PCDHGA8: variants seen among roughly 807,000 people sequenced by gnomAD.
PCDHGA8 encodes the protein protocadherin gamma-A8.
PCDHGA8 carries 45 observed loss-of-function variants against 59.2 expected under a neutral mutation model. The ratio of observed to expected loss-of-function variants is 0.76; its 90% confidence interval spans 0.60 to 0.98. The LOEUF (loss-of-function observed/expected upper bound fraction) is 0.98. PCDHGA8 is among the 50% of genes least tolerant of loss of function. The pLI is 0.00. For missense variants in PCDHGA8, 1,257 were observed against 1,196.2 expected, an observed-to-expected ratio of 1.05 and a Z score of -0.75; for synonymous variants, 531 against 519.0, an observed-to-expected ratio of 1.02 and a Z score of -0.32.
chr5:141,478,384 T>G, intron 1 of PCDHGA8: 1 of 1,613,658 alleles, frequency 6.2e-7, no homozygotes, highest in South Asian at 1.1e-5. Context: ...CGCCGCACCT[T>G]TACCATCAGG....
intron 1 of PCDHGA8, chr5:141,400,148 G>A (rs377393833): frequency 2.5e-6 from 4 of 1,614,056 alleles, no homozygotes; most frequent in African/African-American, 2.7e-5. Flanking sequence ...ATCACTGACC[G>A]CCCTGTACCC....
Position 141,413,628 on chromosome 5 carries a change from T to G in PCDHGA8, c.2424+18391T>G, listed in dbSNP as rs570797524. 4.3e-6 allele frequency: 7 copies of G among 1,613,878 alleles called. No homozygotes were observed. The African/African-American group carries it at 6.7e-5, about 15-fold the overall frequency. On this transcript the variant is annotated intron_variant, in intron 1 of 3. Coordinates refer to ENST00000398604, the MANE Select transcript of PCDHGA8 (RefSeq NM_032088.2). ...ACGTAAAAATTAATGAAAATGTCGC[T>G]GCGGGAATGCGTTTTCCTCTCCCGG...
At chr5:141,402,820 C>G (rs1351401631) in intron 1 of PCDHGA8, 2 of 1,288,046 alleles carry the variant, frequency 1.6e-6, no homozygotes, top group Admixed American at 5.9e-5. Flanking sequence ...CACAAACCTG[C>G]TCCCAGGCTG....
chr5:141,499,599 C>G (rs2099792919), intron 2 of PCDHGA8, among the ~76,000 whole-genome samples: 2 of 152,102 alleles, frequency 1.3e-5, no homozygotes, highest in South Asian at 4.1e-4. Context: ...TCACCTATAT[C>G]CCTACCCTTA....
intron 1 of PCDHGA8, among the ~76,000 whole-genome samples, chr5:141,434,491 C>CCCAGGGCAGAAAACTGCTTAA (rs1300377022): frequency 1.8e-4 from 27 of 152,302 alleles, no homozygotes; most frequent in Non-Finnish European, 3.4e-4. Context: ...ACCTGGCCCG[C>CCCAGGGCAGAAAACTGCTTAA]CCAGGGCAGA....
chr5:141,405,138 G>A (rs777486710), intron 1 of PCDHGA8: 4 of 1,613,962 alleles, frequency 2.5e-6, no homozygotes, highest in Non-Finnish European at 3.4e-6. Flanking sequence ...CGGGCTACCA[G>A]TGATGGGTTG....
At chr5:141,404,058 T>C (rs1411363585) in intron 1 of PCDHGA8, 1 of 1,613,778 alleles carries the variant, frequency 6.2e-7, no homozygotes, top group Non-Finnish European at 8.5e-7. Flanking sequence ...ATTCTTCTTT[T>C]CAATGCTCAT....
Position 141,418,806 on chromosome 5 carries a change from C to T in PCDHGA8, c.2424+23569C>T, listed in dbSNP as rs200530054. The T allele has an allele frequency of 3.0e-5, 49 of 1,613,694 alleles. No individual in the cohort carries two copies. In the African/African-American group the frequency reaches 5.9e-4, roughly 19 times the overall value. On this transcript the variant is annotated intron_variant, in intron 1 of 3. Transcript: ENST00000398604. ...GATTTTGAAGAAGTAGAAAGATATA[C>T]GATAAACATAGAAGCAAAAGACCGA...
At chr5:141,428,540 C>T (rs1561836755) in intron 1 of PCDHGA8, 6 of 268,146 alleles carry the variant, frequency 2.2e-5, no homozygotes, top group South Asian at 8.6e-5. Context: ...CTCACCATGA[C>T]ACCAGAAACA....
intron 1 of PCDHGA8, among the ~76,000 whole-genome samples, chr5:141,479,996 G>A (rs759188600): frequency 7.2e-5 from 11 of 152,244 alleles, no homozygotes; most frequent in Middle Eastern, 3.2e-3. Context: ...CTAGGAGTCT[G>A]TGGCCAAGTT....
At chr5:141,413,612 T>C (rs1282180585) in intron 1 of PCDHGA8, 1 of 1,613,696 alleles carries the variant, frequency 6.2e-7, no homozygotes, top group Non-Finnish European at 8.5e-7. Context: ...GACGTAAAAA[T>C]TAATGAAAAT....
Position 141,447,434 on chromosome 5 carries a change from G to A in PCDHGA8, c.2425-47373G>A, listed in dbSNP as rs114249648. ...ATTACAGGCGTGAGCCACCGCACCC[G>A]GAGGAAATTTTTAACCTCAGTTTTT... On this transcript the variant is annotated intron_variant, in intron 1 of 3. Transcript: ENST00000398604. 2.8e-3 allele frequency among the ~76,000 whole-genome samples: 425 copies of A among 152,164 alleles called. 1 individual carries two copies. The highest frequency in any genetic ancestry group is 9.5e-3 in the African/African-American group (394 of 41,546).
intron 1 of PCDHGA8, chr5:141,439,888 A>G (rs2098137228): frequency 6.6e-6 from 1 of 152,384 alleles, no homozygotes. Context: ...TCTGGGTAGA[A>G]CCAAGGCGAC....
chr5:141,485,174 A>G lies in PCDHGA8; in HGVS notation c.2425-9633A>G. 6.2e-7 allele frequency: 1 copy of G among 1,611,406 alleles called. No individual in the cohort carries two copies. The highest frequency in any genetic ancestry group is 8.5e-7 in the Non-Finnish European group (1 of 1,177,898). ...AGTAGAGAATTAGCGGGCGGCAGCA[A>G]TGCTCCGCAAGGTGAGAAGCTGGAC... On this transcript the variant is annotated intron_variant, in intron 1 of 3. Coordinates refer to ENST00000398604, the MANE Select transcript of PCDHGA8 (RefSeq NM_032088.2). The surrounding 1 kb of genome is among the most constrained non-coding windows in gnomAD (Gnocchi z 5.7).
At chr5:141,462,823 G>A (rs1420321501) in intron 1 of PCDHGA8, among the ~76,000 whole-genome samples, 1 of 152,170 alleles carries the variant, frequency 6.6e-6, no homozygotes, top group African/African-American at 2.4e-5. Flanking sequence ...TTGGACAGCA[G>A]ACATTGTAAA....
chr5:141,427,494 A>G (rs1220750249), intron 1 of PCDHGA8: 1 of 560,916 alleles, frequency 1.8e-6, no homozygotes, highest in Non-Finnish European at 3.4e-6. Context: ...TAAGCTTGTA[A>G]CAGATGGGAC....
chr5:141,463,596 C>T (rs922480221), intron 1 of PCDHGA8, among the ~76,000 whole-genome samples: 5 of 151,874 alleles, frequency 3.3e-5, no homozygotes, highest in Admixed American at 2.0e-4. Flanking sequence ...CTACAGGTGC[C>T]TGCCACCATG....
rs539072548 is a variant in PCDHGA8 at position 141,421,546 on chromosome 5, A to G, written c.2424+26309A>G. 4.3e-6 allele frequency: 7 copies of G among 1,613,896 alleles called. No homozygotes were observed. The South Asian group carries it at 4.4e-5, about 10-fold the overall frequency. ...GACGGTGTCCTCCTGTTTTTTAAAT[A>G]TGGAACTTCTCGTGGAAGACACCTT... On this transcript the variant is annotated intron_variant, in intron 1 of 3. Transcript: ENST00000398604.
chr5:141,497,218 GA>G (rs1172998466), intron 2 of PCDHGA8, among the ~76,000 whole-genome samples: 1 of 149,792 alleles, frequency 6.7e-6, no homozygotes, highest in Non-Finnish European at 1.5e-5. Flanking sequence ...ATGGGGGGGG[GA>G]AGATCAGAGA....
Sources: allele counts gnomAD v4.1 joint callset (sites outside exome capture counted in the v4.1 genomes callset), GRCh38; gene constraint gnomAD v4.1.1; non-coding constraint Gnocchi (gnomAD v3.1); transcripts MANE v1.5; gene names NCBI Gene and HGNC (gene_info 2026-07-23, HGNC 2026-07-21).